The following MMRN1 variants were observed in gnomAD, a reference collection of about 807,000 sequenced individuals.
The protein encoded by MMRN1 is multimerin-1.
MMRN1 carries 94 observed loss-of-function variants against 100.7 expected under a neutral mutation model. The observed-to-expected ratio is 0.93, with a 90% CI of 0.79 to 1.11. The LOEUF (loss-of-function observed/expected upper bound fraction) is 1.11. Among genes scored for constraint, MMRN1 ranks in the 50% least tolerant of loss-of-function variants. The probability of loss-of-function intolerance (pLI) is 0.00; values close to 1 mark genes in which losing one functional copy is unlikely to be tolerated. For synonymous variants in MMRN1, 575 were observed against 505.0 expected (o/e 1.14, Z -1.86); for missense variants, 1,606 against 1,439.1 (o/e 1.12, Z -1.88).
chr4:89,936,051 A>T lies in MMRN1; in HGVS notation c.2371A>T (p.Asn791Tyr). 6.2e-7 allele frequency: 1 copy of T among 1,612,076 alleles called. No individual in the cohort carries two copies. Reference protein sequence around the residue: ...RLNDSIQTLVNDNQRYNFVLQ... With the variant: ...RLNDSIQTLVYDNQRYNFVLQ... ...GAATGATTCTATTCAGACTTTGGTC[A>T]ATGACAATCAGAGATATAACTTTGT... The change falls in exon 6 of 8, where the codon AAT becomes TAT. Residue 791 changes from asparagine (N) to tyrosine (Y), a missense_variant. By Grantham distance (143) the Asn-to-Tyr change is moderately radical (BLOSUM62 -2). Coordinates refer to ENST00000264790, the MANE Select transcript of MMRN1 (RefSeq NM_007351.3).
chr4:89,933,687 C>T (rs1349805739), intron 5 of MMRN1, among the ~76,000 whole-genome samples: 2 of 152,140 alleles, frequency 1.3e-5, no homozygotes, highest in Non-Finnish European at 2.9e-5. Context: ...AACTCACTTA[C>T]TATCATGAGA....
intron 4 of MMRN1, among the ~76,000 whole-genome samples, chr4:89,925,313 T>G (rs1722214644): frequency 7.2e-6 from 1 of 138,080 alleles, no homozygotes; most frequent in East Asian, 2.1e-4. Context: ...TTTTTTTTTT[T>G]TTTTTTTTTT....
intron 6 of MMRN1, chr4:89,951,380 T>C (rs949669812): frequency 2.6e-6 from 1 of 382,068 alleles, no homozygotes; most frequent in Non-Finnish European, 4.6e-6. Flanking sequence ...ATAAATGTAA[T>C]GGATCACAGA....
intron 3 of MMRN1, 106 bp downstream of exon 3, chr4:89,912,156 C>A: frequency 1.4e-6 from 1 of 701,126 alleles, no homozygotes; most frequent in Non-Finnish European, 2.2e-6. Flanking sequence ...TAACATGTAG[C>A]CAAACTCCTA....
upstream of MMRN1, among the ~76,000 whole-genome samples, chr4:89,894,346 G>T (rs1039887292): frequency 3.3e-4 from 50 of 152,084 alleles, no homozygotes; most frequent in African/African-American, 1.2e-3. Flanking sequence ...AAAATAGAAA[G>T]ATATACATGT....
intron 3 of MMRN1, among the ~76,000 whole-genome samples, chr4:89,921,132 A>G (rs976704246): frequency 7.9e-5 from 12 of 151,854 alleles, no homozygotes; most frequent in African/African-American, 2.4e-4. Flanking sequence ...CTACTGAGTT[A>G]TGGTACTACC....
chr4:89,905,945 A>G (rs1422558316), intron 1 of MMRN1, among the ~76,000 whole-genome samples: 1 of 151,528 alleles, frequency 6.6e-6, no homozygotes, highest in Non-Finnish European at 1.5e-5. Context: ...CAAGCAATCT[A>G]TTCATCTGGG....
upstream of MMRN1, among the ~76,000 whole-genome samples, chr4:89,891,307 T>C (rs1469929689): frequency 6.6e-6 from 1 of 152,034 alleles, no homozygotes; most frequent in Non-Finnish European, 1.5e-5. Context: ...TAATGTGAAA[T>C]AGAGCCCTCT....
Position 89,954,590 on chromosome 4 carries a change from T to C in MMRN1, c.*1172T>C, listed in dbSNP as rs1372241846. ...TTTCTGAAAAACAGATTTTCATAAG[T>C]AATAATAAAAATAATAATAAAAAAG... On this transcript the variant is annotated 3_prime_UTR_variant, in exon 8 of 8. Coordinates refer to ENST00000264790, the MANE Select transcript of MMRN1 (RefSeq NM_007351.3). 6.6e-6 allele frequency: 1 copy of C among 152,140 alleles called. No homozygotes were observed. The highest frequency in any genetic ancestry group is 2.4e-5 in the African/African-American group (1 of 41,434). The allele number at this position is 152,140 out of a possible 1,614,324, so 9.4% of individuals were successfully genotyped here.
rs538310771 is a variant in MMRN1, at chr4:89,941,384, T to C, written c.3118+4586T>C. ...AGTCTGGAGAAATTTAGGCACAGGA[T>C]TTTTTATGTTTATCCCTCCCATGAA... On this transcript the variant is annotated intron_variant, in intron 6 of 7. Transcript: ENST00000264790. 3.9e-5 allele frequency among the ~76,000 whole-genome samples: 6 copies of C among 152,260 alleles called. No individual in the cohort carries two copies. The East Asian group carries it at 1.2e-3, about 29-fold the overall frequency.
rs762142228 is a variant in MMRN1 at position 89,935,607 on chromosome 4, A to C, written c.1927A>C (p.Thr643Pro). The C allele has an allele frequency of 6.2e-7, 1 of 1,613,604 alleles. No homozygotes were observed. The highest frequency in any genetic ancestry group is 8.5e-7 in the Non-Finnish European group (1 of 1,179,738). The change falls in exon 6 of 8, where the codon ACT becomes CCT. Residue 643 changes from threonine to proline, a missense_variant. By Grantham distance (38) the Thr-to-Pro change is conservative (BLOSUM62 -1). Coordinates refer to ENST00000264790, the MANE Select transcript of MMRN1 (RefSeq NM_007351.3). Reference sequence around the variant, plus strand: ...AATGAGTGAGCAACTAAATGATTTGACTTATGATATGGAGATCCTTCAACC... The same window carrying C: ...AATGAGTGAGCAACTAAATGATTTGCCTTATGATATGGAGATCCTTCAACC... ...DKMSEQLNDLTYDMEILQPLL... is the reference protein window; with the variant it reads ...DKMSEQLNDLPYDMEILQPLL...
upstream of MMRN1, among the ~76,000 whole-genome samples, chr4:89,894,488 A>G (rs910790542): frequency 6.6e-6 from 1 of 152,218 alleles, no homozygotes; most frequent in Non-Finnish European, 1.5e-5. Flanking sequence ...TGGATAGAGC[A>G]CAGCAGATAA....
Position 89,907,117 on chromosome 4 carries a change from G to T in MMRN1, c.624-2159G>T, listed in dbSNP as rs192196193. On this transcript the variant is annotated intron_variant, in intron 1 of 7. Coordinates refer to ENST00000264790, the MANE Select transcript of MMRN1 (RefSeq NM_007351.3). ...AGTAATTAGGATCATCATTGCATTT[G>T]CATGAGGAATCTAGTTAATTTTTTA... Among the ~76,000 whole-genome samples, 494 of 151,496 alleles carry T rather than the reference G, an allele frequency of 3.3e-3. 5 individuals carry two copies. Among genetic ancestry groups the T allele is most frequent in the African/African-American group, 0.011 (474 of 41,436 alleles).
chr4:89,882,678 G>A (rs1372596127), intron 1 of MMRN1, among the ~76,000 whole-genome samples: 1 of 151,882 alleles, frequency 6.6e-6, no homozygotes, highest in Non-Finnish European at 1.5e-5. Context: ...CTTGATTTAA[G>A]AAAGATGAAT....
chr4:89,941,657 G>T (rs1722828526), intron 6 of MMRN1, among the ~76,000 whole-genome samples: 1 of 152,104 alleles, frequency 6.6e-6, no homozygotes, highest in South Asian at 2.1e-4. Flanking sequence ...ACACTTACCA[G>T]TTAGGGAATG....
At chr4:89,890,970 T>A (rs1721042088), upstream of MMRN1, among the ~76,000 whole-genome samples, 1 of 152,012 alleles carries the variant, frequency 6.6e-6, no homozygotes, top group South Asian at 2.1e-4. Context: ...GCCAGCCCAC[T>A]CAAACCTAAA....
At chr4:89,897,505 G>A (rs1050654899) in intron 1 of MMRN1, among the ~76,000 whole-genome samples, 3 of 152,076 alleles carry the variant, frequency 2.0e-5, no homozygotes, top group African/African-American at 7.2e-5. Flanking sequence ...ACCGCACCCA[G>A]CCAGAATTTT....
At chr4:89,913,515 A>C (rs1367899268) in intron 3 of MMRN1, among the ~76,000 whole-genome samples, 5 of 151,366 alleles carry the variant, frequency 3.3e-5, no homozygotes, top group African/African-American at 1.2e-4. Context: ...TGTAGGAAGA[A>C]AATACCAGAA....
chr4:89,934,962 C>T lies in MMRN1; in HGVS notation c.1282C>T (p.Gln428Ter). The T allele has an allele frequency of 6.2e-7, 1 of 1,613,560 alleles. No homozygotes were observed. Among genetic ancestry groups the T allele is most frequent in the Non-Finnish European group, 8.5e-7 (1 of 1,179,726 alleles). Residue 428 changes from glutamine to a stop codon, truncating the protein, a stop_gained, in exon 6 of 8, where the codon CAA (glutamine) becomes TAA (stop). Coordinates refer to ENST00000264790, the MANE Select transcript of MMRN1 (RefSeq NM_007351.3). LOFTEE classifies it high-confidence loss of function. ...CCTCGAAAGCACCAGGCAAATAATT[C>T]AAAAAGTTAATGAATCTGTGGTTTC... Reference protein sequence around the residue: ...EDLESTRQIIQKVNESVVSIA... With the variant: ...EDLESTRQII
Sources: gnomAD v4.1 joint callset for allele counts (sites outside exome capture counted in the v4.1 genomes callset) on GRCh38, gnomAD v4.1.1 for gene constraint, MANE v1.5 for transcripts, NCBI Gene and HGNC (gene_info 2026-07-23, HGNC 2026-07-21) for gene names.